Variants in ACAP2 observed in about 807,000 individuals in gnomAD.
ACAP2 encodes ArfGAP with coiled-coil, ankyrin repeat and PH domains 2.
In ACAP2, 39 loss-of-function variants were observed where a neutral mutation model predicts 115.8. The ratio of observed to expected loss-of-function variants is 0.34; its 90% CI spans 0.26 to 0.44. ACAP2 has a LOEUF of 0.44. ACAP2 is among the 20% of genes least tolerant of loss of function. The probability of loss-of-function intolerance (pLI) is 1.00; values close to 1 mark genes in which losing one functional copy is unlikely to be tolerated. For synonymous variants in ACAP2, 289 were observed against 315.8 expected (o/e 0.92, Z 0.90); for missense variants, 662 against 927.6 (o/e 0.71, Z 3.72).
intron 1 of ACAP2, among the ~76,000 whole-genome samples, chr3:195,440,245 C>CA (rs941796036): frequency 1.6e-3 from 230 of 147,306 alleles, no homozygotes; most frequent in African/African-American, 4.5e-3. Context: ...CAATCCAAAA[C>CA]AAAAAAAAAA....
intron 1 of ACAP2, among the ~76,000 whole-genome samples, chr3:195,425,694 C>CA (rs964983605): frequency 1.8e-3 from 273 of 151,544 alleles, no homozygotes; most frequent in African/African-American, 5.9e-3. Flanking sequence ...GACTTTTTTC[C>CA]AAAAAAAACC....
In ACAP2 at chr3:195,442,806, C is replaced by A; in HGVS notation, c.42G>T (p.Ser14=). The A allele has an allele frequency of 6.5e-7, 1 of 1,530,510 alleles. No homozygotes were observed. Among genetic ancestry groups the A allele is most frequent in the Non-Finnish European group, 8.8e-7 (1 of 1,138,850 alleles). The allele number at this position is 1,530,510 out of a possible 1,614,324, so 94.8% of individuals were successfully genotyped here. The change falls in exon 1 of 23, where the codon TCG becomes TCT. Residue 14 remains serine (S), a synonymous_variant. Transcript: ENST00000326793. ...GCCGTGCCGGTTACCTGAAGCGGGG[C>A]GAGTCCTTCAGACACTCCTCGAAAT... ...TVDFEECLKD[S]PRFRAALEEV... is the part of the protein sequence containing the mutation.
At chr3:195,312,186 T>C (rs1728816149) in intron 10 of ACAP2, among the ~76,000 whole-genome samples, 1 of 152,030 alleles carries the variant, frequency 6.6e-6, no homozygotes, top group Admixed American at 6.6e-5. Flanking sequence ...ACGTTATCAC[T>C]AGAACTATAC....
At chr3:195,359,625 GC>G (rs1732216775) in intron 4 of ACAP2, among the ~76,000 whole-genome samples, 1 of 152,038 alleles carries the variant, frequency 6.6e-6, no homozygotes, top group Admixed American at 6.6e-5. Flanking sequence ...CCGCCACCAC[GC>G]CCGGCTAATT....
In ACAP2 at chr3:195,290,849, T is replaced by TAAATAAATAATA. The variant is rs1553843260; in HGVS notation, c.2063+856_2063+857insTATTATTTATTT. ...ATAAATAAATAAATAAATAAATAAA[T>TAAATAAATAATA]AATAAATAAATAAATAAATAAATAA... On this transcript the variant is annotated intron_variant, in intron 20 of 22. Coordinates refer to ENST00000326793, the MANE Select transcript of ACAP2 (RefSeq NM_012287.6). Among the ~76,000 whole-genome samples the TAAATAAATAATA allele has an allele frequency of 1.7e-3, 229 of 134,184 alleles. 2 individuals carry two copies. The highest frequency in any genetic ancestry group is 4.9e-3 in the African/African-American group (168 of 33,990). The allele number at this position is 134,184 out of a possible 152,430, so 88.0% of individuals were successfully genotyped here.
At chr3:195,293,347 A>C (rs1189770070) in intron 18 of ACAP2, among the ~76,000 whole-genome samples, 1 of 152,186 alleles carries the variant, frequency 6.6e-6, no homozygotes, top group Non-Finnish European at 1.5e-5. Context: ...GACCAAAATC[A>C]CTGAAATCAT....
chr3:195,435,847 A>C (rs1715495017), intron 1 of ACAP2, among the ~76,000 whole-genome samples: 1 of 152,170 alleles, frequency 6.6e-6, no homozygotes, highest in South Asian at 2.1e-4. Context: ...AGTGTTCTAT[A>C]GATAACTAGT....
chr3:195,290,813 A>AAAAT (rs34104661), intron 20 of ACAP2, among the ~76,000 whole-genome samples: 7,589 of 138,178 alleles, frequency 0.055, 307 homozygotes, highest in African/African-American at 0.091. Flanking sequence ...ACTTTATCTC[A>AAAAT]AAATAAATAA....
intron 6 of ACAP2, among the ~76,000 whole-genome samples, chr3:195,337,605 C>T (rs1049720045): frequency 1.3e-5 from 2 of 152,098 alleles, no homozygotes; most frequent in African/African-American, 2.4e-5. Flanking sequence ...TGTGCCACCA[C>T]GCTCGGCTAA....
chr3:195,377,138 C>CTTTTTTTTTT (rs749352761), intron 4 of ACAP2, among the ~76,000 whole-genome samples: 1,745 of 77,054 alleles, frequency 0.023, 341 homozygotes, highest in East Asian at 0.22. Context: ...GAATGTAAAT[C>CTTTTTTTTTT]TTTTTTTTTT....
intron 4 of ACAP2, chr3:195,357,586 G>C (rs943325079): frequency 3.9e-5 from 6 of 152,328 alleles, no homozygotes; most frequent in Non-Finnish European, 7.3e-5. Context: ...GCGGCGACAG[G>C]AGTGCTTGTA....
At chr3:195,398,962 C>G (rs1016644657) in intron 1 of ACAP2, among the ~76,000 whole-genome samples, 8 of 152,154 alleles carry the variant, frequency 5.3e-5, no homozygotes, top group African/African-American at 1.9e-4. Flanking sequence ...CACTCTGAAA[C>G]AGCTTGACTA....
chr3:195,435,671 T>G (rs1464850483), intron 1 of ACAP2, among the ~76,000 whole-genome samples: 3 of 152,212 alleles, frequency 2.0e-5, no homozygotes, highest in Non-Finnish European at 4.4e-5. Flanking sequence ...CAGATTTCCT[T>G]GTTATTGATT....
intron 4 of ACAP2, among the ~76,000 whole-genome samples, chr3:195,364,073 C>T (rs1560289271): frequency 1.3e-5 from 2 of 152,112 alleles, no homozygotes; most frequent in East Asian, 3.9e-4. Context: ...CCTACAGAAG[C>T]ACAGGCAACC....
chr3:195,314,045 G>A (rs747907321), intron 10 of ACAP2, among the ~76,000 whole-genome samples: 10 of 151,868 alleles, frequency 6.6e-5, no homozygotes, highest in African/African-American at 1.7e-4. Context: ...TATTTCAATC[G>A]CATCATACAA....
intron 6 of ACAP2, among the ~76,000 whole-genome samples, chr3:195,341,669 A>G (rs139290054): frequency 1.3e-5 from 2 of 152,160 alleles, no homozygotes; most frequent in Admixed American, 6.5e-5. Flanking sequence ...AAATATGATA[A>G]CACTACTTCT....
At chr3:195,300,204 G>A (rs761415290) in intron 15 of ACAP2, among the ~76,000 whole-genome samples, 3 of 151,680 alleles carry the variant, frequency 2.0e-5, no homozygotes, top group East Asian at 1.9e-4. Context: ...GTGCCACCAC[G>A]CCTGGCTAAT....
chr3:195,312,615 T>A (rs1728842120), intron 10 of ACAP2, among the ~76,000 whole-genome samples: 1 of 152,070 alleles, frequency 6.6e-6, no homozygotes, highest in Non-Finnish European at 1.5e-5. Context: ...CACAGAGGCA[T>A]GCCACCACAT....
chr3:195,350,706 C>T (rs73069070), intron 4 of ACAP2, among the ~76,000 whole-genome samples: 2,076 of 151,110 alleles, frequency 0.014, 52 homozygotes, highest in African/African-American at 0.047. Context: ...AAATTACCCA[C>T]GCATATGGTC....
Sources: allele counts gnomAD v4.1 joint callset (sites outside exome capture counted in the v4.1 genomes callset), GRCh38; gene constraint gnomAD v4.1.1; transcripts MANE v1.5; gene names NCBI Gene and HGNC (gene_info 2026-07-23, HGNC 2026-07-21).